Variants in TUBB observed in about 807,000 individuals in gnomAD.
The protein encoded by TUBB is tubulin beta class I.
A neutral mutation model predicts 35.1 loss-of-function variants in TUBB; 2 were observed. That is an observed-to-expected ratio of 0.06 (90% CI 0.02 to 0.18). The LOEUF (loss-of-function observed/expected upper bound fraction) is 0.18, where lower values mean the gene tolerates loss of function less well. TUBB is among the 10% of genes least tolerant of loss of function. The pLI, the probability that TUBB is intolerant of heterozygous loss-of-function variation, is 1.00. For missense variants in TUBB, 50 were observed against 599.4 expected, an observed-to-expected ratio of 0.08 and a Z score of 9.57; for synonymous variants, 205 against 223.8, an observed-to-expected ratio of 0.92 and a Z score of 0.75.
At chr6:30,722,692 A>G (rs1271288883) in intron 2 of TUBB, 47 bp downstream of exon 2, 2 of 1,480,208 alleles carry the variant, frequency 1.4e-6, no homozygotes, top group Admixed American at 1.7e-5. Flanking sequence ...CCTGTCTCCC[A>G]CTTATCTGGG....
chr6:30,721,519 A>AT, intron 1 of TUBB: 1 of 982,088 alleles, frequency 1.0e-6, no homozygotes, highest in Non-Finnish European at 1.2e-6. Context: ...CGCGCGCGGA[A>AT]TTTTTGTCCC....
chr6:30,722,853 T>C, intron 2 of TUBB, 65 bp from the exon 3 acceptor site: 1 of 1,395,906 alleles, frequency 7.2e-7, no homozygotes, highest in East Asian at 2.3e-5. Context: ...TGTCTCCCAT[T>C]TCCAGTATAT....
intron 1 of TUBB, chr6:30,721,756 G>C: frequency 1.0e-6 from 1 of 985,364 alleles, no homozygotes; most frequent in Non-Finnish European, 1.2e-6. Context: ...GGGACCCGCT[G>C]CACATATCCA....
At chr6:30,721,441 C>T (rs1776235048) in intron 1 of TUBB, 1 of 557,248 alleles carries the variant, frequency 1.8e-6, no homozygotes. Flanking sequence ...GGCCGGGGCG[C>T]CGTGGGCGCG....
Position 30,722,566 on chromosome 6 carries a change from C to A in TUBB, c.87C>A (p.Gly29=). The A allele has an allele frequency of 6.2e-7, 1 of 1,614,144 alleles. No individual in the cohort carries two copies. The highest frequency in any genetic ancestry group is 8.5e-7 in the Non-Finnish European group (1 of 1,180,024). Residue 29 remains glycine, a synonymous_variant, in exon 2 of 4, where the codon GGC becomes GGA. Transcript: ENST00000327892. ...KFWEVISDEH[G]IDPTGTYHGD... is the part of the protein sequence containing the mutation. ...GGGAGGTGATCAGTGATGAACATGGCATCGACCCCACCGGCACCTACCACG... is the reference window on the plus strand; with the variant it reads ...GGGAGGTGATCAGTGATGAACATGGAATCGACCCCACCGGCACCTACCACG...
chr6:30,724,319 C>G lies in TUBB; in HGVS notation c.1257C>G (p.Val419=), dbSNP rs200599590. 15 of 1,613,136 alleles carry G rather than the reference C, an allele frequency of 9.3e-6. No individual in the cohort carries two copies. In the East Asian group the frequency reaches 1.3e-4, roughly 14 times the overall value. ...CTGAGAGCAACATGAACGACCTCGT[C>G]TCTGAGTATCAGCAGTACCAGGATG... ...TEAESNMNDL[V]SEYQQYQDAT... The change falls in exon 4 of 4, where the codon GTC becomes GTG. Residue 419 remains valine, a synonymous_variant. Coordinates refer to ENST00000327892, the MANE Select transcript of TUBB (RefSeq NM_178014.4). This position sits in a 1 kb window ranked among gnomAD's most constrained non-coding sequence, Gnocchi z 4.4.
chr6:30,724,407 C>T lies in TUBB; in HGVS notation c.*10C>T, dbSNP rs763472843. The T allele has an allele frequency of 1.2e-6, 2 of 1,602,914 alleles. No homozygotes were observed. The highest frequency in any genetic ancestry group is 3.4e-5 in the Admixed American group (2 of 59,446). ...CGAAGAGGAGGCCTAAGGCAGAGCC[C>T]CCATCACCTCAGGCTTCTCAGTTCC... On this transcript the variant is annotated 3_prime_UTR_variant, in exon 4 of 4. Coordinates refer to ENST00000327892, the MANE Select transcript of TUBB (RefSeq NM_178014.4). This position sits in a 1 kb window ranked among gnomAD's most constrained non-coding sequence, Gnocchi z 4.4.
chr6:30,722,034 TC>T, intron 1 of TUBB: 1 of 352,818 alleles, frequency 2.8e-6, no homozygotes, highest in Non-Finnish European at 4.0e-6. Flanking sequence ...GCGTCTGTGG[TC>T]CCAGCTACTC....
chr6:30,721,599 G>GC, intron 1 of TUBB: 3 of 985,304 alleles, frequency 3.0e-6, no homozygotes, highest in Non-Finnish European at 3.6e-6. Flanking sequence ...CACGTGGAGG[G>GC]CGGGGGGGGT....
At chr6:30,721,508 T>G (rs1212139389) in intron 1 of TUBB, 1 of 977,790 alleles carries the variant, frequency 1.0e-6, no homozygotes, top group Non-Finnish European at 1.2e-6. Flanking sequence ...GCCCCGCCCC[T>G]CGCGCGCGGA....
Position 30,720,361 on chromosome 6 carries a change from C to T in TUBB, c.-146C>T. On this transcript the variant is annotated 5_prime_UTR_variant, in exon 1 of 4. Transcript: ENST00000327892. ...CCCCTCTCCTTTCTCCCTCTCAGAA[C>T]CTTCCTGCCGTCGCGTTTGCACCTC... is the stretch of plus-strand genomic sequence containing the variant. The T allele has an allele frequency of 1.3e-6, 1 of 777,962 alleles. No individual in the cohort carries two copies. Among genetic ancestry groups the T allele is most frequent in the South Asian group, 1.5e-5 (1 of 68,752 alleles). The allele number at this position is 777,962 out of a possible 1,614,324, so 48.2% of individuals were successfully genotyped here. A position where few individuals can be genotyped will look rare whatever the true frequency, so the allele number is the denominator to read the frequency against.
chr6:30,724,524 G>T lies in TUBB; in HGVS notation c.*127G>T, dbSNP rs566733160. 103 of 784,932 alleles carry T rather than the reference G, an allele frequency of 1.3e-4. 2 individuals carry two copies. In the South Asian group the frequency reaches 1.9e-3, roughly 15 times the overall value. The allele number at this position is 784,932 out of a possible 1,614,324, so 48.6% of individuals were successfully genotyped here. ...TTTTTTGTTTTTTCTTCTGGGGGGG[G>T]TCTAGAACAGTGCCTGGCACATAGT... On this transcript the variant is annotated 3_prime_UTR_variant, in exon 4 of 4. Transcript: ENST00000327892. The surrounding 1 kb of genome is among the most constrained non-coding windows in gnomAD (Gnocchi z 4.4).
intron 1 of TUBB, 81 bp from the exon 2 acceptor site, chr6:30,722,456 A>G (rs1200380273): frequency 2.3e-5 from 24 of 1,028,820 alleles, no homozygotes; most frequent in Non-Finnish European, 3.6e-5. Flanking sequence ...AAAATTAAGA[A>G]AAAGATGAAA....
chr6:30,724,566 C>G lies in TUBB; in HGVS notation c.*169C>G. ...GCACATAGTAGGCGCTCAATAAATA[C>G]TTGTTTGTTGAATGTCTCCTCTCTC... On this transcript the variant is annotated 3_prime_UTR_variant, in exon 4 of 4. Transcript: ENST00000327892. The surrounding 1 kb of genome is among the most constrained non-coding windows in gnomAD (Gnocchi z 4.4). 1 of 600,272 alleles carries G rather than the reference C, an allele frequency of 1.7e-6. No individual in the cohort carries two copies. The highest frequency in any genetic ancestry group is 2.8e-6 in the Non-Finnish European group (1 of 351,354). 37.2% of individuals were successfully genotyped at this position (600,272 alleles called of 1,614,324 possible).
intron 2 of TUBB, 63 bp downstream of exon 2, chr6:30,722,708 T>G: frequency 2.1e-6 from 3 of 1,417,060 alleles, no homozygotes; most frequent in Non-Finnish European, 3.0e-6. Flanking sequence ...CTGGGATCTC[T>G]TTCCATTTCT....
chr6:30,722,614 C>T lies in TUBB; in HGVS notation c.135C>T (p.Asp45=), dbSNP rs747728723. 1 of 1,614,132 alleles carries T rather than the reference C, an allele frequency of 6.2e-7. No individual in the cohort carries two copies. Among genetic ancestry groups the T allele is most frequent in the East Asian group, 2.2e-5 (1 of 44,890 alleles). ...ACGGGGACAGCGACCTGCAGCTGGA[C>T]CGCATCTCTGTGTACTACAATGAAG... The part of the protein sequence containing the change: ...TYHGDSDLQL[D]RISVYYNEAT... Residue 45 remains aspartate, a synonymous_variant, in exon 2 of 4, where the codon GAC becomes GAT. Transcript: ENST00000327892.
At chr6:30,720,599 A>G in intron 1 of TUBB, 36 bp downstream of exon 1, 5 of 1,593,406 alleles carry the variant, frequency 3.1e-6, no homozygotes, top group Non-Finnish European at 4.3e-6. Flanking sequence ...TCTTTTTACA[A>G]GGAAAAATCC....
chr6:30,721,244 G>A (rs1327829036), intron 1 of TUBB, among the ~76,000 whole-genome samples: 2 of 152,158 alleles, frequency 1.3e-5, no homozygotes, highest in East Asian at 3.9e-4. Flanking sequence ...TCTTTAATGA[G>A]TCCCTCAGGA....
intron 1 of TUBB, chr6:30,721,606 G>T (rs921390413): frequency 1.1e-5 from 11 of 985,310 alleles, no homozygotes; most frequent in African/African-American, 3.5e-5. Context: ...AGGGCGGGGG[G>T]GGTGGTCGAC....
Sources: allele counts gnomAD v4.1 joint callset (sites outside exome capture counted in the v4.1 genomes callset), GRCh38; gene constraint gnomAD v4.1.1; non-coding constraint Gnocchi (gnomAD v3.1); transcripts MANE v1.5; gene names NCBI Gene and HGNC (gene_info 2026-07-23, HGNC 2026-07-21).